RPGRIP1: variants seen among roughly 807,000 people sequenced by gnomAD.
The protein encoded by RPGRIP1 is RPGR interacting protein 1.
In RPGRIP1, 128 loss-of-function variants were observed where a neutral mutation model predicts 157.9. The observed-to-expected ratio is 0.81, with a 90% CI of 0.70 to 0.94. RPGRIP1 has a LOEUF of 0.94. Among genes scored for constraint, RPGRIP1 ranks in the 40% least tolerant of loss-of-function variants. The probability of loss-of-function intolerance (pLI) is 0.00; values close to 1 mark genes in which losing one functional copy is unlikely to be tolerated. For synonymous variants in RPGRIP1, 554 were observed against 571.6 expected (o/e 0.97, Z 0.44); for missense variants, 1,486 against 1,545.8 (o/e 0.96, Z 0.65).
chr14:21,280,948 A>G (rs1594366178), intron 1 of RPGRIP1, among the ~76,000 whole-genome samples: 1 of 152,078 alleles, frequency 6.6e-6, no homozygotes, highest in East Asian at 1.9e-4. Context: ...GAAATTGTAT[A>G]TATTTATTGT....
At chr14:21,307,254 A>G (rs1002421761) in intron 6 of RPGRIP1, among the ~76,000 whole-genome samples, 1 of 151,554 alleles carries the variant, frequency 6.6e-6, no homozygotes, top group Admixed American at 6.6e-5. Flanking sequence ...AGGTTTTGCC[A>G]TGTTGCCCAG....
chr14:21,292,400 C>T (rs887661129), intron 2 of RPGRIP1, among the ~76,000 whole-genome samples: 6 of 151,780 alleles, frequency 4.0e-5, no homozygotes, highest in Non-Finnish European at 7.4e-5. Context: ...TAGATAAAAC[C>T]ACATTAAGGG....
At chr14:21,282,823 G>T (rs1664387117) in intron 1 of RPGRIP1, among the ~76,000 whole-genome samples, 1 of 151,668 alleles carries the variant, frequency 6.6e-6, no homozygotes, top group Non-Finnish European at 1.5e-5. Context: ...CGTTAGCCAG[G>T]ATAGTCTTGA....
At chr14:21,349,963 T>C (rs1434803081) in intron 24 of RPGRIP1, among the ~76,000 whole-genome samples, 3 of 152,222 alleles carry the variant, frequency 2.0e-5, no homozygotes, top group Non-Finnish European at 1.5e-5. Flanking sequence ...CACTTAAGAT[T>C]ATCCACTAGA....
intron 14 of RPGRIP1, chr14:21,324,087 C>T: frequency 6.1e-6 from 1 of 165,288 alleles, no homozygotes; most frequent in South Asian, 1.5e-4. Flanking sequence ...TACTTTTTGC[C>T]TTCTTATGTT....
intron 3 of RPGRIP1, among the ~76,000 whole-genome samples, chr14:21,300,024 G>A (rs1197053454): frequency 6.6e-6 from 1 of 152,166 alleles, no homozygotes; most frequent in African/African-American, 2.4e-5. Context: ...GGCCGGGCGC[G>A]GTGGCTCACG....
chr14:21,295,083 A>G (rs1223011087), intron 3 of RPGRIP1, among the ~76,000 whole-genome samples: 2 of 151,894 alleles, frequency 1.3e-5, no homozygotes, highest in African/African-American at 4.8e-5. Flanking sequence ...ACCTCAGATG[A>G]TGCACCCACC....
At chr14:21,323,443 T>G (rs1382349403) in intron 14 of RPGRIP1, among the ~76,000 whole-genome samples, 2 of 151,284 alleles carry the variant, frequency 1.3e-5, no homozygotes, top group Non-Finnish European at 3.0e-5. Context: ...AAAAAAAGAA[T>G]AAAAGCACAT....
At chr14:21,310,985 A>G (rs1344775191) in intron 8 of RPGRIP1, 1 of 508,424 alleles carries the variant, frequency 2.0e-6, no homozygotes, top group Non-Finnish European at 3.9e-6. Flanking sequence ...ATTTGGCCCT[A>G]TTCACCACTG....
chr14:21,342,233 T>C (rs1333011068), intron 21 of RPGRIP1, among the ~76,000 whole-genome samples: 1 of 151,994 alleles, frequency 6.6e-6, no homozygotes, highest in Non-Finnish European at 1.5e-5. Context: ...AGGAAAATAC[T>C]AGCTTGGTTT....
chr14:21,303,653 T>A (rs951261458), intron 6 of RPGRIP1, 110 bp downstream of exon 6: 108 of 818,740 alleles, frequency 1.3e-4, no homozygotes, highest in South Asian at 6.8e-5. Context: ...GGGATTAAAT[T>A]CAATCGGAGT....
intron 20 of RPGRIP1, 57 bp from the exon 21 acceptor site, chr14:21,334,548 T>G (rs1398470098): frequency 8.0e-7 from 1 of 1,243,448 alleles, no homozygotes; most frequent in African/African-American, 1.5e-5. Context: ...TGCTGGGTCT[T>G]TTCTTGGGCT....
rs536624884 is a variant in RPGRIP1, at chr14:21,335,806, C to CAAAAAAAAAAAAAAAAA, written c.3339+1109_3339+1110insAAAAAAAAAAAAAAAAA. Among the ~76,000 whole-genome samples the CAAAAAAAAAAAAAAAAA allele has an allele frequency of 1.5e-4, 23 of 149,934 alleles. 2 individuals carry two copies. Among genetic ancestry groups the CAAAAAAAAAAAAAAAAA allele is most frequent in the African/African-American group, 5.3e-4 (21 of 39,746 alleles). On this transcript the variant is annotated intron_variant, in intron 21 of 24. Transcript: ENST00000400017. ...TGGGCGACAGAGCGAGACTACGTCTCAAAAAAAAGAGACACACATATATTA... is the reference window on the plus strand; with the variant it reads ...TGGGCGACAGAGCGAGACTACGTCTCAAAAAAAAAAAAAAAAAAAAAAAAAGAGACACACATATATTA...
chr14:21,327,089 A>C (rs774229368), intron 17 of RPGRIP1, among the ~76,000 whole-genome samples: 43 of 152,154 alleles, frequency 2.8e-4, no homozygotes, highest in Non-Finnish European at 1.2e-4. Context: ...ACATGTATGC[A>C]GCTCTCTCCT....
intron 20 of RPGRIP1, among the ~76,000 whole-genome samples, chr14:21,331,000 C>CAG (rs1883717034): frequency 6.6e-6 from 1 of 151,846 alleles, no homozygotes; most frequent in African/African-American, 2.4e-5. Context: ...AGCTCTGCCT[C>CAG]CTGGGTTCAA....
chr14:21,321,228 C>A (rs556629795), intron 12 of RPGRIP1, 31 bp from the exon 13 acceptor site: 15 of 1,588,286 alleles, frequency 9.4e-6, no homozygotes, highest in African/African-American at 6.8e-5. Context: ...CATATTTATA[C>A]TCCCTTTTAC....
chr14:21,287,865 C>A, intron 1 of RPGRIP1, 74 bp from the exon 2 acceptor site: 1 of 686,776 alleles, frequency 1.5e-6, no homozygotes, highest in Non-Finnish European at 2.6e-6. Context: ...GAAATTCCTG[C>A]TACAACTTAT....
At chr14:21,350,499 A>G (rs150855920) in intron 24 of RPGRIP1, among the ~76,000 whole-genome samples, 18 of 152,322 alleles carry the variant, frequency 1.2e-4, no homozygotes, top group Non-Finnish European at 2.2e-4. Flanking sequence ...TGATCATTAT[A>G]AACATTTTTT....
intron 3 of RPGRIP1, among the ~76,000 whole-genome samples, chr14:21,298,768 C>T (rs563450651): frequency 1.5e-4 from 23 of 151,476 alleles, no homozygotes; most frequent in East Asian, 5.9e-4. Context: ...GGTGAAACCC[C>T]GTCTCTACTA....
Sources: allele counts gnomAD v4.1 joint callset (sites outside exome capture counted in the v4.1 genomes callset), GRCh38; gene constraint gnomAD v4.1.1; transcripts MANE v1.5; gene names NCBI Gene and HGNC (gene_info 2026-07-23, HGNC 2026-07-21).